Variants in RBFOX1 observed in about 807,000 individuals in gnomAD.
RBFOX1 encodes RNA binding protein fox-1 homolog 1.
A neutral mutation model predicts 57.7 loss-of-function variants in RBFOX1; 8 were observed. The observed-to-expected ratio is 0.14, with a 90% CI of 0.08 to 0.25. RBFOX1 has a LOEUF of 0.25. RBFOX1 is among the 10% of genes least tolerant of loss of function. RBFOX1 has a pLI of 1.00. For synonymous variants in RBFOX1, 326 were observed against 222.4 expected, an observed-to-expected ratio of 1.47 and a Z score of -4.15; for missense variants, 611 against 548.5, an observed-to-expected ratio of 1.11 and a Z score of -1.14.
intron 3 of RBFOX1, among the ~76,000 whole-genome samples, chr16:5,726,849 A>C (rs1044926732): frequency 2.0e-5 from 3 of 152,150 alleles, no homozygotes; most frequent in Admixed American, 6.5e-5. Flanking sequence ...TGTCTCAGCT[A>C]CAATCGTATT....
At chr16:6,557,573 A>G (rs2097123092) in intron 2 of RBFOX1, among the ~76,000 whole-genome samples, 1 of 152,152 alleles carries the variant, frequency 6.6e-6, no homozygotes, top group African/African-American at 2.4e-5. Context: ...GAAATGAAGT[A>G]TTTCTGTGGG....
At chr16:7,118,442 G>A (rs2066398570) in intron 4 of RBFOX1, among the ~76,000 whole-genome samples, 1 of 152,100 alleles carries the variant, frequency 6.6e-6, no homozygotes, top group Non-Finnish European at 1.5e-5. Flanking sequence ...AGGCAAGGAG[G>A]AGGGTAAAGG....
intron 1 of RBFOX1, among the ~76,000 whole-genome samples, chr16:6,107,593 A>G (rs945821292): frequency 1.1e-4 from 17 of 151,980 alleles, no homozygotes; most frequent in African/African-American, 1.7e-4. Context: ...TAATACATGT[A>G]TGGATGCACG....
intron 1 of RBFOX1, among the ~76,000 whole-genome samples, chr16:5,428,603 C>T (rs895676050): frequency 2.6e-5 from 4 of 151,962 alleles, no homozygotes; most frequent in South Asian, 4.2e-4. Context: ...GAAGGACTGA[C>T]GTTAGCCGGG....
intron 3 of RBFOX1, among the ~76,000 whole-genome samples, chr16:5,649,905 C>T (rs1262401174): frequency 6.6e-6 from 1 of 152,124 alleles, no homozygotes; most frequent in African/African-American, 2.4e-5. Context: ...GGATGTGAAG[C>T]ACTTCATCAG....
At chr16:6,810,406 A>G (rs1286102100) in intron 3 of RBFOX1, among the ~76,000 whole-genome samples, 1 of 152,136 alleles carries the variant, frequency 6.6e-6, no homozygotes, top group Non-Finnish European at 1.5e-5. Context: ...AAGCGTGGAC[A>G]ATGGTACTTT....
At chr16:5,361,267 A>T (rs2065542357) in intron 1 of RBFOX1, among the ~76,000 whole-genome samples, 1 of 151,716 alleles carries the variant, frequency 6.6e-6, no homozygotes, top group Non-Finnish European at 1.5e-5. Context: ...GAGGAGCTGT[A>T]AACATGGGTA....
chr16:7,421,671 A>G (rs1475304756), intron 4 of RBFOX1, among the ~76,000 whole-genome samples: 1 of 152,216 alleles, frequency 6.6e-6, no homozygotes, highest in Non-Finnish European at 1.5e-5. Flanking sequence ...TTACTGTCCC[A>G]TTTCCACTGG....
intron 1 of RBFOX1, among the ~76,000 whole-genome samples, chr16:6,140,904 C>G (rs1235313352): frequency 6.6e-6 from 1 of 152,220 alleles, no homozygotes; most frequent in Admixed American, 6.5e-5. Context: ...AAATAACCAT[C>G]TCACAGGTGA....
At chr16:7,493,002 C>A (rs538098796) in intron 4 of RBFOX1, among the ~76,000 whole-genome samples, 13 of 152,258 alleles carry the variant, frequency 8.5e-5, no homozygotes, top group African/African-American at 3.1e-4. Flanking sequence ...CCTCAGCCTG[C>A]CGAGTAGCTG....
intron 2 of RBFOX1, among the ~76,000 whole-genome samples, chr16:6,439,943 C>T (rs2094332439): frequency 9.7e-6 from 1 of 102,954 alleles, no homozygotes; most frequent in African/African-American, 4.3e-5. Context: ...AACTGAAATA[C>T]TGTGTAGACT....
At chr16:7,656,022 T>A (rs554064102) in intron 12 of RBFOX1, among the ~76,000 whole-genome samples, 1 of 152,346 alleles carries the variant, frequency 6.6e-6, no homozygotes, top group South Asian at 2.1e-4. Flanking sequence ...CTACTTGGGA[T>A]GAAAATTAAT....
intron 11 of RBFOX1, among the ~76,000 whole-genome samples, chr16:7,641,317 G>A (rs1295545508): frequency 2.0e-5 from 3 of 152,182 alleles, no homozygotes; most frequent in African/African-American, 7.2e-5. Context: ...GGGAAAAAGA[G>A]CCTGGTGTAG....
intron 2 of RBFOX1, among the ~76,000 whole-genome samples, chr16:6,360,445 GA>G (rs1010142094): frequency 6.7e-5 from 10 of 149,802 alleles, no homozygotes; most frequent in Admixed American, 2.0e-4. Context: ...ACTATATTTG[GA>G]AAAAAAAATG....
chr16:7,144,822 T>C (rs530459406), intron 4 of RBFOX1, among the ~76,000 whole-genome samples: 1 of 152,274 alleles, frequency 6.6e-6, no homozygotes, highest in Admixed American at 6.5e-5. Flanking sequence ...AAAGAGTCTT[T>C]ATGGCCCGAG....
At chr16:7,447,767 T>C (rs913690406) in intron 4 of RBFOX1, among the ~76,000 whole-genome samples, 5 of 152,236 alleles carry the variant, frequency 3.3e-5, no homozygotes, top group Non-Finnish European at 7.3e-5. Context: ...TAGTGAGAGC[T>C]AAATGCATTT....
intron 4 of RBFOX1, among the ~76,000 whole-genome samples, chr16:7,137,545 G>T (rs375199629): frequency 6.6e-6 from 1 of 152,152 alleles, no homozygotes; most frequent in Non-Finnish European, 1.5e-5. Context: ...CCCCAGCCAC[G>T]TGGAACTGTG....
At chr16:6,503,396 A>G (rs1372997771) in intron 2 of RBFOX1, among the ~76,000 whole-genome samples, 1 of 152,162 alleles carries the variant, frequency 6.6e-6, no homozygotes, top group Non-Finnish European at 1.5e-5. Context: ...GTAACAAACA[A>G]TTCCAATATT....
chr16:6,829,220 T>G (rs1212176806), intron 3 of RBFOX1, among the ~76,000 whole-genome samples: 1 of 146,976 alleles, frequency 6.8e-6, no homozygotes, highest in Admixed American at 6.8e-5. Flanking sequence ...AAAAGCATTT[T>G]AAAGGAAGTT....
Sources: allele counts gnomAD v4.1 joint callset (sites outside exome capture counted in the v4.1 genomes callset), GRCh38; gene constraint gnomAD v4.1.1; transcripts MANE v1.5; gene names NCBI Gene and HGNC (gene_info 2026-07-23, HGNC 2026-07-21).